Variants in SPATA21 observed in about 807,000 individuals in gnomAD.
SPATA21 encodes spermatogenesis-associated protein 21.
SPATA21 carries 47 observed loss-of-function variants against 54.8 expected under a neutral mutation model. The ratio of observed to expected loss-of-function variants is 0.86; its 90% CI spans 0.68 to 1.09. The LOEUF (loss-of-function observed/expected upper bound fraction) is 1.09, where lower values mean the gene tolerates loss of function less well. SPATA21 is among the 50% of genes least tolerant of loss of function. The probability of loss-of-function intolerance (pLI) is 0.00; values close to 1 mark genes in which losing one functional copy is unlikely to be tolerated. For missense variants in SPATA21, 599 were observed against 596.4 expected (o/e 1.00, Z -0.05); for synonymous variants, 245 against 235.3 (o/e 1.04, Z -0.38).
chr1:16,411,529 G>C (rs922047396), intron 5 of SPATA21, among the ~76,000 whole-genome samples: 2 of 152,092 alleles, frequency 1.3e-5, no homozygotes, highest in Non-Finnish European at 2.9e-5. Flanking sequence ...GGTGGCTCAC[G>C]CCTGTAATCC....
rs869032281 is a variant in SPATA21 at position 16,402,249 on chromosome 1, C to CTTTTTTTTTTTTT, written c.1002-1370_1002-1358dup. On this transcript the variant is annotated intron_variant, in intron 10 of 12. Transcript: ENST00000335496. Reference sequence around the variant, plus strand: ...CTTCTGGCAGTTCTGAGCTGCCATTCTTTTTTTTTTTTTTTTTTTTTTTTT... The same window carrying CTTTTTTTTTTTTT: ...CTTCTGGCAGTTCTGAGCTGCCATTCTTTTTTTTTTTTTTTTTTTTTTTTTTTTTTTTTTTTTT... Among the ~76,000 whole-genome samples the CTTTTTTTTTTTTT allele has an allele frequency of 3.6e-5, 2 of 55,946 alleles. 1 individual carries two copies. The highest frequency in any genetic ancestry group is 1.6e-4 in the African/African-American group (2 of 12,420). The allele number at this position is 55,946 out of a possible 152,430, so 36.7% of individuals were successfully genotyped here.
chr1:16,406,206 G>A (rs2085635758), intron 7 of SPATA21, among the ~76,000 whole-genome samples: 1 of 151,722 alleles, frequency 6.6e-6, no homozygotes, highest in Admixed American at 6.6e-5. Context: ...TGCAACCTCC[G>A]CCTCCCGGGT....
At chr1:16,407,677 C>T (rs1002797036) in intron 7 of SPATA21, among the ~76,000 whole-genome samples, 1 of 152,046 alleles carries the variant, frequency 6.6e-6, no homozygotes, top group East Asian at 1.9e-4. Context: ...TCAGGCTGGT[C>T]TCGAACTCCT....
rs1307063964 is a variant in SPATA21, at chr1:16,405,161, C to G, written c.674-57G>C. ...GGCATTTCTTGTTTCTGTCATTCATCCCATTACCCCAACCACCCTCCTGCC... is the reference window on the plus strand; with the variant it reads ...GGCATTTCTTGTTTCTGTCATTCATGCCATTACCCCAACCACCCTCCTGCC... On this transcript the variant is annotated intron_variant, in intron 7 of 12. Transcript: ENST00000335496. The G allele has an allele frequency of 3.2e-6, 5 of 1,560,404 alleles. No homozygotes were observed. The African/African-American group carries it at 7.0e-5, about 22-fold the overall frequency.
intron 3 of SPATA21, among the ~76,000 whole-genome samples, chr1:16,426,586 T>A (rs1383640010): frequency 2.7e-3 from 377 of 140,476 alleles, no homozygotes; most frequent in South Asian, 4.7e-3. Flanking sequence ...TATATTTTTT[T>A]TTTTTTTTTT....
Position 16,426,850 on chromosome 1 carries a change from G to A in SPATA21, c.34+4488C>T, listed in dbSNP as rs566453318. ...CTGCCTTGGCCTCCCAAAGTGCTGG[G>A]ATTACAGGTGTGAGCCACTGTGCCC... is the stretch of plus-strand genomic sequence containing the variant. On this transcript the variant is annotated intron_variant, in intron 3 of 12. Coordinates refer to ENST00000335496, the MANE Select transcript of SPATA21 (RefSeq NM_198546.1). Among the ~76,000 whole-genome samples the A allele has an allele frequency of 2.2e-4, 34 of 152,054 alleles. No homozygotes were observed. In the South Asian group the frequency reaches 2.3e-3, roughly 10 times the overall value.
At chr1:16,437,748 C>T (rs2086616017), upstream of SPATA21, among the ~76,000 whole-genome samples, 1 of 152,082 alleles carries the variant, frequency 6.6e-6, no homozygotes. Flanking sequence ...TTAGACTGAA[C>T]AGAACTGAAA....
chr1:16,408,174 G>C (rs1292496841), intron 7 of SPATA21, among the ~76,000 whole-genome samples: 1 of 152,212 alleles, frequency 6.6e-6, no homozygotes, highest in African/African-American at 2.4e-5. Flanking sequence ...GTGGCCAAGA[G>C]GGTTGCAGGC....
At chr1:16,415,198 A>G (rs2085966673) in intron 5 of SPATA21, among the ~76,000 whole-genome samples, 2 of 152,180 alleles carry the variant, frequency 1.3e-5, no homozygotes, top group Non-Finnish European at 1.5e-5. Flanking sequence ...TTAGCCAGGC[A>G]TGATGGCTCG....
At chr1:16,408,879 A>G (rs2085733681) in intron 7 of SPATA21, among the ~76,000 whole-genome samples, 1 of 142,248 alleles carries the variant, frequency 7.0e-6, no homozygotes. Context: ...CAAAAAAAAA[A>G]AAAAAAAAAA....
intron 3 of SPATA21, among the ~76,000 whole-genome samples, chr1:16,423,204 G>A (rs2086219821): frequency 6.7e-6 from 1 of 149,462 alleles, no homozygotes; most frequent in Non-Finnish European, 1.5e-5. Flanking sequence ...CACGAGATTA[G>A]GAGTTCAGGA....
rs775851035 is a variant in SPATA21 at position 16,405,079 on chromosome 1, G to A, written c.699C>T (p.Phe233=). 26 of 1,609,472 alleles carry A rather than the reference G, an allele frequency of 1.6e-5. No homozygotes were observed. Among genetic ancestry groups the A allele is most frequent in the Non-Finnish European group, 2.2e-5 (26 of 1,178,348 alleles). ...GTGCATCCACCTCACCAGGACCATT[G>A]AAGATCTCAAAGTAGCTGCGGAAGG... is the stretch of plus-strand genomic sequence containing the variant. ...EEAFRSYFEI[F]NGPGEVDAQS... is the part of the protein sequence containing the mutation. The change falls in exon 8 of 13, where the codon TTC becomes TTT. Residue 233 remains phenylalanine (F), a synonymous_variant. Transcript: ENST00000335496.
downstream of SPATA21, chr1:16,398,570 A>G (rs2085351709): frequency 3.2e-6 from 2 of 627,614 alleles, no homozygotes; most frequent in Admixed American, 5.2e-5. Flanking sequence ...TTGAGGTGGA[A>G]CCCTGCACTC....
At chr1:16,423,064 C>T (rs1196435946) in intron 3 of SPATA21, among the ~76,000 whole-genome samples, 3 of 151,626 alleles carry the variant, frequency 2.0e-5, no homozygotes, top group East Asian at 1.9e-4. Flanking sequence ...GGTTGAGGGA[C>T]GAGAATCACT....
chr1:16,429,330 C>T (rs981016486), intron 3 of SPATA21, among the ~76,000 whole-genome samples: 4 of 149,894 alleles, frequency 2.7e-5, no homozygotes, highest in East Asian at 4.0e-4. Context: ...CGGGGTCTCA[C>T]GATGTTGCCC....
chr1:16,418,413 A>G (rs535738626), intron 5 of SPATA21, among the ~76,000 whole-genome samples: 3 of 152,220 alleles, frequency 2.0e-5, no homozygotes, highest in Admixed American at 2.0e-4. Flanking sequence ...CTGGGACTAC[A>G]GGTGCCCGCC....
chr1:16,412,950 GT>G (rs1167789245), intron 5 of SPATA21, among the ~76,000 whole-genome samples: 2 of 151,936 alleles, frequency 1.3e-5, no homozygotes, highest in African/African-American at 2.4e-5. Context: ...TACCCGGCTA[GT>G]TTTTTGTATT....
chr1:16,403,140 A>T (rs2085506258), intron 10 of SPATA21, among the ~76,000 whole-genome samples: 1 of 151,972 alleles, frequency 6.6e-6, no homozygotes, highest in Non-Finnish European at 1.5e-5. Flanking sequence ...ACCACTACCT[A>T]CCCACCCACC....
chr1:16,430,324 T>G (rs181602126), intron 3 of SPATA21, among the ~76,000 whole-genome samples: 7,214 of 152,048 alleles, frequency 0.047, 252 homozygotes, highest in Non-Finnish European at 0.072. Context: ...TTCCAGCTAC[T>G]CAGGAGGCTG....
Sources: allele counts gnomAD v4.1 joint callset (sites outside exome capture counted in the v4.1 genomes callset), GRCh38; gene constraint gnomAD v4.1.1; transcripts MANE v1.5; gene names NCBI Gene and HGNC (gene_info 2026-07-23, HGNC 2026-07-21).